The following SLC30A5 variants were observed in gnomAD, a reference collection of about 807,000 sequenced individuals.
SLC30A5 encodes the protein solute carrier family 30 member 5.
SLC30A5 carries 33 observed loss-of-function variants against 79.6 expected under a neutral mutation model. That is an observed-to-expected ratio of 0.41 (90% CI 0.31 to 0.55). SLC30A5 has a LOEUF of 0.55. Ranked by LOEUF, SLC30A5 falls within the 20% of genes least tolerant of loss-of-function variation. SLC30A5 has a pLI of 0.20. For missense variants in SLC30A5, 788 were observed against 928.1 expected (o/e 0.85, Z 1.96); for synonymous variants, 299 against 319.7 (o/e 0.94, Z 0.69).
chr5:69,129,228 A>G (rs1484636534), intron 15 of SLC30A5, among the ~76,000 whole-genome samples: 1 of 152,168 alleles, frequency 6.6e-6, no homozygotes, highest in East Asian at 1.9e-4. Flanking sequence ...TTACCAGTTG[A>G]GCATCCCTAA....
At chr5:69,099,447 C>G (rs1745844189) in intron 1 of SLC30A5, among the ~76,000 whole-genome samples, 1 of 152,208 alleles carries the variant, frequency 6.6e-6, no homozygotes, top group Non-Finnish European at 1.5e-5. Context: ...TTGTCTACTT[C>G]AGGAAATTTA....
intron 14 of SLC30A5, among the ~76,000 whole-genome samples, chr5:69,125,355 T>TC (rs1746647516): frequency 6.6e-6 from 1 of 150,420 alleles, no homozygotes; most frequent in South Asian, 2.1e-4. Context: ...TGAAACCCCA[T>TC]CTCTACTAAA....
At chr5:69,105,262 G>A (rs559674659) in intron 4 of SLC30A5, among the ~76,000 whole-genome samples, 2 of 152,296 alleles carry the variant, frequency 1.3e-5, no homozygotes, top group South Asian at 4.1e-4. Flanking sequence ...CTGGTTTAAG[G>A]AGGAAATGCT....
chr5:69,108,232 T>A, intron 4 of SLC30A5, 117 bp from the exon 5 acceptor site: 1 of 758,508 alleles, frequency 1.3e-6, no homozygotes, highest in Non-Finnish European at 2.1e-6. Flanking sequence ...CTATTTATTT[T>A]TCTTATGTTT....
chr5:69,113,843 T>C (rs1251913828), intron 6 of SLC30A5, among the ~76,000 whole-genome samples: 1 of 152,250 alleles, frequency 6.6e-6, no homozygotes, highest in Non-Finnish European at 1.5e-5. Flanking sequence ...CTAAAACTTA[T>C]TAGTAAACTA....
rs1746336477 is a variant in SLC30A5 at position 69,115,297 on chromosome 5, A to G, written c.673A>G (p.Arg225Gly). 1 of 1,614,146 alleles carries G rather than the reference A, an allele frequency of 6.2e-7. No homozygotes were observed. Among genetic ancestry groups the G allele is most frequent in the African/African-American group, 1.3e-5 (1 of 75,058 alleles). Residue 225 changes from arginine (R) to glycine (G), a missense_variant, in exon 8 of 16, where the codon AGA (arginine) becomes GGA (glycine). Physicochemically the swap from Arg to Gly is moderately radical, Grantham distance 125. Coordinates refer to ENST00000396591, the MANE Select transcript of SLC30A5 (RefSeq NM_022902.5). ...CCKVGFHTASRKLSVDVGGAK... is the reference protein window; with the variant it reads ...CCKVGFHTASGKLSVDVGGAK... ...TAAAGTTGGTTTTCATACAGCTTCC[A>G]GAAAGCTCTCTGTCGACGTTGGTGG...
intron 12 of SLC30A5, 26 bp downstream of exon 12, chr5:69,118,654 G>T: frequency 2.6e-6 from 4 of 1,542,576 alleles, no homozygotes; most frequent in Non-Finnish European, 3.5e-6. Flanking sequence ...TTCCTATTTG[G>T]ATTTCTAGTC....
intron 2 of SLC30A5, 184 bp from the exon 3 acceptor site, chr5:69,102,877 AG>A: frequency 2.9e-6 from 1 of 340,024 alleles, no homozygotes; most frequent in Non-Finnish European, 5.5e-6. Context: ...AAAAAAAAAA[AG>A]TTATCAAAAT....
intron 5 of SLC30A5, among the ~76,000 whole-genome samples, chr5:69,112,817 G>T (rs527597163): frequency 6.6e-6 from 1 of 152,052 alleles, no homozygotes; most frequent in Non-Finnish European, 1.5e-5. Flanking sequence ...CTTTAGCTAC[G>T]TGGGCTTTTC....
Position 69,094,052 on chromosome 5 carries a change from C to T in SLC30A5, c.-204C>T. ...CTGCTTCCCGGGAACCTGGCGCCGC[C>T]GGAACTGATCGCGGCCTAGTCCCGA... On this transcript the variant is annotated 5_prime_UTR_variant, in exon 1 of 16. Coordinates refer to ENST00000396591, the MANE Select transcript of SLC30A5 (RefSeq NM_022902.5). 2.5e-6 allele frequency: 1 copy of T among 395,584 alleles called. No homozygotes were observed. Among genetic ancestry groups the T allele is most frequent in the African/African-American group, 2.1e-5 (1 of 48,498 alleles). 24.5% of individuals were successfully genotyped at this position (395,584 alleles called of 1,614,324 possible). A position where few individuals can be genotyped will look rare whatever the true frequency, so the allele number is the denominator to read the frequency against.
rs775550498 is a variant in SLC30A5 at position 69,129,399 on chromosome 5, TA to T, written c.2128-45del. On this transcript the variant is annotated intron_variant, in intron 15 of 15. Transcript: ENST00000396591. ...GTACAGCATATTAAGACGTGTGTAC[TA>T]AATGCATTACTCTAAATGCTTCAAA... 2.4e-5 allele frequency: 34 copies of T among 1,425,604 alleles called. No homozygotes were observed. In the Admixed American group the frequency reaches 5.8e-4, roughly 24 times the overall value. 88.3% of individuals were successfully genotyped at this position (1,425,604 alleles called of 1,614,324 possible). A position where few individuals can be genotyped will look rare whatever the true frequency, so the allele number is the denominator to read the frequency against.
At chr5:69,095,197 T>A (rs1745686719) in intron 1 of SLC30A5, among the ~76,000 whole-genome samples, 1 of 55,420 alleles carries the variant, frequency 1.8e-5, no homozygotes, top group Non-Finnish European at 3.3e-5. Flanking sequence ...ATAACGTAAC[T>A]TTTTTTTTTT....
At chr5:69,102,175 T>C (rs1203206565) in intron 2 of SLC30A5, among the ~76,000 whole-genome samples, 3 of 149,106 alleles carry the variant, frequency 2.0e-5, no homozygotes, top group Non-Finnish European at 4.4e-5. Flanking sequence ...CTCAGCCTCC[T>C]GAGTAGCTAG....
rs534760139 is a variant in SLC30A5 at position 69,115,412 on chromosome 5, G to A, written c.783+5G>A. 3.1e-6 allele frequency: 5 copies of A among 1,605,302 alleles called. No individual in the cohort carries two copies. In the African/African-American group the frequency reaches 6.7e-5, roughly 21 times the overall value. On this transcript the variant is annotated splice_donor_5th_base_variant and intron_variant, in intron 8 of 15. Transcript: ENST00000396591. The stretch of plus-strand genomic sequence containing the variant: ...GTTCTTTCTGTGACAACTGAGGTAA[G>A]ATAAGAGCAAGAATTTATTGGTATT...
At chr5:69,106,170 G>A (rs1231487060) in intron 4 of SLC30A5, among the ~76,000 whole-genome samples, 1 of 152,160 alleles carries the variant, frequency 6.6e-6, no homozygotes, top group Non-Finnish European at 1.5e-5. Context: ...TGTTTGTCAT[G>A]TACTTTGTCA....
chr5:69,099,439 G>T (rs1745843980), intron 1 of SLC30A5, among the ~76,000 whole-genome samples: 1 of 152,130 alleles, frequency 6.6e-6, no homozygotes, highest in Non-Finnish European at 1.5e-5. Context: ...CAGCAGAGTT[G>T]TCTACTTCAG....
At chr5:69,119,625 TAATA>T (rs1318563934) in intron 12 of SLC30A5, among the ~76,000 whole-genome samples, 6 of 152,352 alleles carry the variant, frequency 3.9e-5, no homozygotes, top group African/African-American at 1.4e-4. Context: ...AATGTTTCTA[TAATA>T]CAGTTTGGAA....
rs1248088350 is a variant in SLC30A5, at chr5:69,116,806, A to C, written c.1281+204A>C. Among the ~76,000 whole-genome samples, 4 of 152,198 alleles carry C rather than the reference A, an allele frequency of 2.6e-5. No homozygotes were observed. The stretch of plus-strand genomic sequence containing the variant: ...AAGGCATGTGCCACCGTGCCCAGCC[A>C]CTTAAGCAAACAATTTGTGAGGCAT... On this transcript the variant is annotated intron_variant, in intron 10 of 15. Transcript: ENST00000396591. This position sits in a 1 kb window ranked among gnomAD's most constrained non-coding sequence, Gnocchi z 4.0.
chr5:69,129,448 T>C lies in SLC30A5; in HGVS notation c.2129T>C (p.Val710Ala), dbSNP rs1184969987. 3.7e-6 allele frequency: 6 copies of C among 1,609,352 alleles called. No homozygotes were observed. Among genetic ancestry groups the C allele is most frequent in the South Asian group, 3.3e-5 (3 of 90,612 alleles). The change falls in exon 16 of 16, where the codon GTT becomes GCT. Residue 710 changes from valine (V) to alanine (A), a missense_variant and splice_region_variant. Around this residue, in one of 3 missense-constraint regions of SLC30A5, gnomAD observed 158 missense variants for 156.2 expected, o/e 1.01. Transcript: ENST00000396591. ...AAAATATCTGGATTTTTATAACAGG[T>C]TACAGGAATACTTAAAGATGCTGGA... Reference protein sequence around the residue: ...DVLEQRIVQQVTGILKDAGVN... With the variant: ...DVLEQRIVQQATGILKDAGVN...
Sources: allele counts gnomAD v4.1 joint callset (sites outside exome capture counted in the v4.1 genomes callset), GRCh38; gene constraint gnomAD v4.1.1; regional missense constraint gnomAD v4.1.1; non-coding constraint Gnocchi (gnomAD v3.1); transcripts MANE v1.5; gene names NCBI Gene and HGNC (gene_info 2026-07-23, HGNC 2026-07-21).